NAALADL2: variants seen among roughly 807,000 people sequenced by gnomAD.
The protein encoded by NAALADL2 is inactive N-acetylated-alpha-linked acidic dipeptidase-like protein 2.
Under a neutral mutation model 87.2 loss-of-function variants are expected in NAALADL2, and 76 were observed. That is an observed-to-expected ratio of 0.87 (90% CI 0.72 to 1.05). NAALADL2 has a LOEUF of 1.05. NAALADL2 is among the 50% of genes least tolerant of loss of function. The pLI is 0.00. For missense variants in NAALADL2, 1,089 were observed against 945.8 expected (o/e 1.15, Z -1.99); for synonymous variants, 354 against 331.0 (o/e 1.07, Z -0.75).
chr3:174,790,561 T>C (rs1425317150), intron 3 of NAALADL2, among the ~76,000 whole-genome samples: 1 of 151,816 alleles, frequency 6.6e-6, no homozygotes, highest in African/African-American at 2.4e-5. Context: ...GGCAGGAGAA[T>C]TGCCTGAACC....
intron 3 of NAALADL2, among the ~76,000 whole-genome samples, chr3:174,788,627 T>A (rs546278852): frequency 6.2e-4 from 94 of 152,282 alleles, no homozygotes; most frequent in African/African-American, 2.1e-3. Flanking sequence ...TTAAAGGCCC[T>A]ATCTCCAAAT....
intron 10 of NAALADL2, among the ~76,000 whole-genome samples, chr3:175,596,432 T>C (rs1456161755): frequency 2.0e-5 from 3 of 152,004 alleles, no homozygotes; most frequent in Non-Finnish European, 4.4e-5. Flanking sequence ...AGAAGGCACG[T>C]CCTTATCCAT....
At chr3:174,697,600 AT>A (rs1729153404) in intron 2 of NAALADL2, among the ~76,000 whole-genome samples, 1 of 152,186 alleles carries the variant, frequency 6.6e-6, no homozygotes, top group South Asian at 2.1e-4. Flanking sequence ...AAATTGTAAT[AT>A]TAGAACTGAG....
At chr3:174,955,432 A>C (rs1741016364) in intron 1 of NAALADL2, among the ~76,000 whole-genome samples, 1 of 152,068 alleles carries the variant, frequency 6.6e-6, no homozygotes, top group South Asian at 2.1e-4. Context: ...TTTTTCCTTA[A>C]ATTTTGGAAA....
At chr3:174,668,190 C>A (rs575618023) in intron 2 of NAALADL2, among the ~76,000 whole-genome samples, 1 of 152,142 alleles carries the variant, frequency 6.6e-6, no homozygotes, top group African/African-American at 2.4e-5. Context: ...TTCCTTTGGG[C>A]ATTTTTAAAT....
chr3:175,013,301 A>ATATATATTTTT (rs1553916905), intron 1 of NAALADL2, among the ~76,000 whole-genome samples: 29 of 72,058 alleles, frequency 4.0e-4, no homozygotes, highest in African/African-American at 1.5e-3. Context: ...ATATATATAT[A>ATATATATTTTT]TTTTTTTTTT....
At chr3:174,646,489 A>G (rs574154594) in intron 2 of NAALADL2, among the ~76,000 whole-genome samples, 80 of 152,254 alleles carry the variant, frequency 5.3e-4, no homozygotes, top group African/African-American at 1.9e-3. Context: ...TTTATATGTG[A>G]ACATATTAAC....
chr3:175,542,261 A>G (rs981389208), intron 9 of NAALADL2, among the ~76,000 whole-genome samples: 4 of 152,222 alleles, frequency 2.6e-5, no homozygotes, highest in African/African-American at 7.2e-5. Context: ...TAGACACAGG[A>G]AGATAACTTG....
intron 1 of NAALADL2, among the ~76,000 whole-genome samples, chr3:174,929,538 G>T (rs1231463789): frequency 6.6e-6 from 1 of 152,010 alleles, no homozygotes; most frequent in African/African-American, 2.4e-5. Context: ...AAGTATGTAT[G>T]TGTACATATA....
intron 1 of NAALADL2, among the ~76,000 whole-genome samples, chr3:175,004,670 G>C (rs539721231): frequency 4.1e-4 from 62 of 152,154 alleles, no homozygotes; most frequent in African/African-American, 1.5e-3. Flanking sequence ...AGTTGTCCAC[G>C]TAAGTGGCTC....
chr3:175,765,652 A>G (rs1297431436), intron 13 of NAALADL2, among the ~76,000 whole-genome samples: 1 of 152,096 alleles, frequency 6.6e-6, no homozygotes, highest in African/African-American at 2.4e-5. Flanking sequence ...TTAAAGTGAG[A>G]AAAAATTACT....
At position 175,491,269 on chromosome 3, in the gene NAALADL2, C is replaced by G. The variant is rs561245345; in HGVS notation, c.1653+19511C>G. Among the ~76,000 whole-genome samples the G allele has an allele frequency of 8.7e-5, 13 of 148,810 alleles. No individual in the cohort carries two copies. The East Asian group carries it at 2.6e-3, about 29-fold the overall frequency. On this transcript the variant is annotated intron_variant, in intron 9 of 13. Transcript: ENST00000454872. ...ATACAATAAATATTATTTTATTGTT[C>G]TATAAAATATTATTGTCCAATTGTT...
chr3:175,696,851 G>C (rs1737860531), intron 11 of NAALADL2, among the ~76,000 whole-genome samples: 1 of 152,104 alleles, frequency 6.6e-6, no homozygotes, highest in Non-Finnish European at 1.5e-5. Context: ...GCATCACATG[G>C]TGAGCAATCA....
chr3:174,705,269 A>C (rs1162876808), intron 2 of NAALADL2, among the ~76,000 whole-genome samples: 1 of 152,162 alleles, frequency 6.6e-6, no homozygotes, highest in African/African-American at 2.4e-5. Context: ...ATCCACGCAG[A>C]CGTGGGGAGA....
chr3:175,494,751 G>T (rs996816801), intron 9 of NAALADL2, among the ~76,000 whole-genome samples: 1 of 151,944 alleles, frequency 6.6e-6, no homozygotes, highest in Non-Finnish European at 1.5e-5. Context: ...CCTTACCATC[G>T]GGTATCGCAG....
Position 174,466,457 on chromosome 3 carries a change from A to G in NAALADL2, c.-184+25425A>G, listed in dbSNP as rs150431352. The stretch of plus-strand genomic sequence containing the variant: ...GGGAAGCCAGAAATGCAATCTCTCT[A>G]TGAGTGGCCACTCATTCAGCTAAAA... On this transcript the variant is annotated intron_variant, in intron 1 of 3. Transcript: ENST00000434257. 2.6e-5 allele frequency among the ~76,000 whole-genome samples: 4 copies of G among 152,144 alleles called. No homozygotes were observed. The East Asian group carries it at 5.8e-4, about 22-fold the overall frequency.
chr3:175,800,509 G>A (rs759327018), intron 13 of NAALADL2, among the ~76,000 whole-genome samples: 8 of 152,012 alleles, frequency 5.3e-5, no homozygotes, highest in Non-Finnish European at 1.0e-4. Flanking sequence ...TTTCTGTCTT[G>A]AACAAAATCA....
intron 1 of NAALADL2, among the ~76,000 whole-genome samples, chr3:174,453,134 A>G (rs1715595058): frequency 6.6e-6 from 1 of 152,222 alleles, no homozygotes; most frequent in East Asian, 1.9e-4. Context: ...GAATTTTGTA[A>G]TGCAATCACA....
chr3:175,497,035 A>G (rs2149358973), intron 9 of NAALADL2, among the ~76,000 whole-genome samples: 1 of 152,260 alleles, frequency 6.6e-6, no homozygotes, highest in Non-Finnish European at 1.5e-5. Flanking sequence ...AGACTGTATT[A>G]ATGGGATACA....
Sources: allele counts gnomAD v4.1 joint callset (sites outside exome capture counted in the v4.1 genomes callset), GRCh38; gene constraint gnomAD v4.1.1; transcripts MANE v1.5; gene names NCBI Gene and HGNC (gene_info 2026-07-23, HGNC 2026-07-21).